ACOT1: variants seen among roughly 807,000 people sequenced by gnomAD.
The protein encoded by ACOT1 is acyl-CoA thioesterase 1.
In ACOT1, 8 loss-of-function variants were observed where a neutral mutation model predicts 15.7. The observed-to-expected ratio is 0.51, with a 90% CI of 0.30 to 0.92. The LOEUF (loss-of-function observed/expected upper bound fraction) is 0.92, where lower values mean the gene tolerates loss of function less well. Among genes scored for constraint, ACOT1 ranks in the 40% least tolerant of loss-of-function variants. The probability of loss-of-function intolerance (pLI) is 0.06; values close to 1 mark genes in which losing one functional copy is unlikely to be tolerated. For missense variants in ACOT1, 151 were observed against 539.4 expected (o/e 0.28, Z 7.13); for synonymous variants, 67 against 241.2 (o/e 0.28, Z 6.69).
At chr14:73,506,498 G>T in the ACOT1 span, 1 of 1,613,726 alleles carries the variant, frequency 6.2e-7, no homozygotes, top group Non-Finnish European at 8.5e-7. Context: ...CCGGGAGAAA[G>T]CCTGGCAGGC....
chr14:73,514,742 CAG>C, the ACOT1 span, among the ~76,000 whole-genome samples: 8 of 152,100 alleles, frequency 5.3e-5, no homozygotes, highest in Non-Finnish European at 1.0e-4. Flanking sequence ...AATTTGAGAA[CAG>C]AAGAAGCCGT....
the ACOT1 span, chr14:73,493,000 T>C: frequency 1.2e-5 from 8 of 656,728 alleles, no homozygotes; most frequent in Admixed American, 4.5e-5. This position sits in a 1 kb window ranked among gnomAD's most constrained non-coding sequence, Gnocchi z 4.9. Context: ...CACTGCTACC[T>C]TTTTTTTTTT....
chr14:73,512,146 A>G, the ACOT1 span: 151 of 1,614,078 alleles, frequency 9.4e-5, no homozygotes, highest in Non-Finnish European at 1.2e-4. Flanking sequence ...GTGCCACTCT[A>G]TGACTGAGCC....
chr14:73,492,138 G>T, the ACOT1 span: 1 of 1,613,944 alleles, frequency 6.2e-7, no homozygotes, highest in East Asian at 2.2e-5. This position sits in a 1 kb window ranked among gnomAD's most constrained non-coding sequence, Gnocchi z 4.9. Context: ...CTGACATCCA[G>T]CCCCAACTTC....
At chr14:73,497,499 C>T in the ACOT1 span, among the ~76,000 whole-genome samples, 1 of 152,146 alleles carries the variant, frequency 6.6e-6, no homozygotes, top group African/African-American at 2.4e-5. Context: ...GTTTAAATAC[C>T]TTACACGGGC....
At chr14:73,512,503 G>A in the ACOT1 span, among the ~76,000 whole-genome samples, 1 of 152,134 alleles carries the variant, frequency 6.6e-6, no homozygotes, top group African/African-American at 2.4e-5. Context: ...GTTATTAGCT[G>A]TGTGACTGTG....
chr14:73,517,592 C>T, the ACOT1 span: 1 of 142,898 alleles, frequency 7.0e-6, no homozygotes, highest in Non-Finnish European at 1.5e-5. Context: ...TGCTTGAGCT[C>T]AGGAAGGTAA....
the ACOT1 span, chr14:73,492,532 C>A: frequency 8.1e-6 from 13 of 1,613,602 alleles, no homozygotes; most frequent in Middle Eastern, 1.6e-4. The surrounding 1 kb of genome is among the most constrained non-coding windows in gnomAD (Gnocchi z 4.9). Flanking sequence ...CCAAAGACTT[C>A]ATTCACGATT....
At chr14:73,514,090 G>A in the ACOT1 span, 2 of 1,614,128 alleles carry the variant, frequency 1.2e-6, no homozygotes, top group Admixed American at 1.7e-5. Flanking sequence ...CAGTTCCCAG[G>A]TCACATCCTC....
the ACOT1 span, among the ~76,000 whole-genome samples, chr14:73,506,296 C>G: frequency 7.9e-5 from 12 of 152,244 alleles, no homozygotes; most frequent in African/African-American, 2.6e-4. Context: ...GGCTTCCAGA[C>G]AGACATATTA....
chr14:73,525,722 T>C, the ACOT1 span, among the ~76,000 whole-genome samples: 6 of 152,048 alleles, frequency 3.9e-5, no homozygotes. Flanking sequence ...GGAGGCTAAA[T>C]TGGGCAAATC....
the ACOT1 span, chr14:73,498,206 C>G: frequency 6.2e-7 from 1 of 1,614,044 alleles, no homozygotes. Flanking sequence ...GAAGGTGTCC[C>G]TGACCCGGTC....
the ACOT1 span, chr14:73,493,402 C>G: frequency 2.2e-5 from 8 of 371,776 alleles, no homozygotes; most frequent in African/African-American, 1.7e-4. Context: ...GTTTCCCTTT[C>G]CTAAGGCTAG....
At chr14:73,506,640 A>G in the ACOT1 span, 1 of 1,208,800 alleles carries the variant, frequency 8.3e-7, no homozygotes, top group South Asian at 1.2e-5. Context: ...TTGAAGTTAC[A>G]TTCTGAAATG....
At chr14:73,492,707 C>T in the ACOT1 span, 1 of 1,613,844 alleles carries the variant, frequency 6.2e-7, no homozygotes, top group Non-Finnish European at 8.5e-7. This position sits in a 1 kb window ranked among gnomAD's most constrained non-coding sequence, Gnocchi z 4.9. Flanking sequence ...TGAGGGGGGC[C>T]ATTTGTTTCT....
the ACOT1 span, chr14:73,492,450 T>C: frequency 1.2e-6 from 2 of 1,613,756 alleles, no homozygotes; most frequent in South Asian, 2.2e-5. This position sits in a 1 kb window ranked among gnomAD's most constrained non-coding sequence, Gnocchi z 4.9. Context: ...ACCGCTTTCA[T>C]GGAGAAGGTG....
chr14:73,505,013 C>T, the ACOT1 span, among the ~76,000 whole-genome samples: 1 of 151,968 alleles, frequency 6.6e-6, no homozygotes, highest in Non-Finnish European at 1.5e-5. Flanking sequence ...CTCACTGAAA[C>T]CGCCGCCTCC....
chr14:73,514,512 GTTATCT>G, the ACOT1 span, among the ~76,000 whole-genome samples: 1 of 152,066 alleles, frequency 6.6e-6, no homozygotes, highest in African/African-American at 2.4e-5. Context: ...AAGTTTAAAG[GTTATCT>G]TTAGGAACCT....
chr14:73,530,794 A>ATTTTTTT, the ACOT1 span, among the ~76,000 whole-genome samples: 3 of 57,770 alleles, frequency 5.2e-5, no homozygotes, highest in African/African-American at 6.7e-5. Context: ...TCTCGGTTAA[A>ATTTTTTT]TTTTTTTTTT....
Sources: gnomAD v4.1 joint callset for allele counts (sites outside exome capture counted in the v4.1 genomes callset) on GRCh38, gnomAD v4.1.1 for gene constraint, Gnocchi (gnomAD v3.1) non-coding constraint, MANE v1.5 for transcripts, NCBI Gene and HGNC (gene_info 2026-07-23, HGNC 2026-07-21) for gene names.